RAPGEF4: variants seen among roughly 807,000 people sequenced by gnomAD.
The protein encoded by RAPGEF4 is RAP guanine-nucleotide-exchange factor (GEF) 4.
A neutral mutation model predicts 147.9 loss-of-function variants in RAPGEF4; 66 were observed. That is an observed-to-expected ratio of 0.45 (90% CI 0.37 to 0.55). The LOEUF (loss-of-function observed/expected upper bound fraction) is 0.55. RAPGEF4 is among the 20% of genes least tolerant of loss of function. The pLI is 0.00. For synonymous variants in RAPGEF4, 419 were observed against 442.7 expected, an observed-to-expected ratio of 0.95 and a Z score of 0.67; for missense variants, 1,071 against 1,257.3, an observed-to-expected ratio of 0.85 and a Z score of 2.24.
intron 1 of RAPGEF4, among the ~76,000 whole-genome samples, chr2:172,754,514 G>T (rs1695583533): frequency 6.6e-6 from 1 of 152,130 alleles, no homozygotes; most frequent in African/African-American, 2.4e-5. Context: ...TTTTCATAAA[G>T]ACAGTAAGAA....
chr2:172,780,722 T>TAGCATTTCACTGTGTGGA (rs1208489943), intron 1 of RAPGEF4, among the ~76,000 whole-genome samples: 30 of 152,346 alleles, frequency 2.0e-4, no homozygotes, highest in Non-Finnish European at 2.8e-4. Flanking sequence ...CATTGTGTGG[T>TAGCATTTCACTGTGTGGA]ACCATTTCAC....
At chr2:172,804,923 C>G (rs1216784788) in intron 3 of RAPGEF4, among the ~76,000 whole-genome samples, 1 of 152,220 alleles carries the variant, frequency 6.6e-6, no homozygotes, top group Admixed American at 6.5e-5. Flanking sequence ...AATGGCTCAC[C>G]TTCCAGTGTC....
At chr2:172,966,963 GA>G (rs1689903344) in intron 9 of RAPGEF4, 1 of 247,362 alleles carries the variant, frequency 4.0e-6, no homozygotes, top group Non-Finnish European at 7.7e-6. Flanking sequence ...AAAATATCAG[GA>G]AGACGATTTC....
chr2:172,754,474 T>G (rs1695580418), intron 1 of RAPGEF4, among the ~76,000 whole-genome samples: 1 of 152,158 alleles, frequency 6.6e-6, no homozygotes, highest in Admixed American at 6.5e-5. Context: ...AGTTAAGAGA[T>G]TTAAGGTTTT....
chr2:172,765,800 T>C (rs148215352), intron 1 of RAPGEF4, among the ~76,000 whole-genome samples: 63 of 152,348 alleles, frequency 4.1e-4, no homozygotes, highest in African/African-American at 1.5e-3. Context: ...TGGCTGCCAC[T>C]GTTGGGAGGT....
intron 6 of RAPGEF4, among the ~76,000 whole-genome samples, chr2:172,927,001 G>C (rs1443390167): frequency 6.6e-6 from 1 of 152,192 alleles, no homozygotes; most frequent in Non-Finnish European, 1.5e-5. Context: ...CCAAGTGCTA[G>C]AAGAATTCCT....
rs1685705234 is a variant in RAPGEF4 at position 173,047,926 on chromosome 2, T to C, written c.2854-674T>C. Among the ~76,000 whole-genome samples the C allele has an allele frequency of 2.0e-5, 3 of 152,326 alleles. No homozygotes were observed. The South Asian group carries it at 6.2e-4, about 32-fold the overall frequency. On this transcript the variant is annotated intron_variant, in intron 29 of 30. Transcript: ENST00000397081. ...CTCCTGACCTCGTGATCCACCCGCC[T>C]CGGCCTCCCAAAGTGCTGGGATTAC...
chr2:172,825,574 T>G (rs1356143285), intron 4 of RAPGEF4, among the ~76,000 whole-genome samples: 1 of 152,228 alleles, frequency 6.6e-6, no homozygotes, highest in Non-Finnish European at 1.5e-5. Flanking sequence ...GACATGTTAT[T>G]CATATGAGTT....
intron 1 of RAPGEF4, among the ~76,000 whole-genome samples, chr2:172,746,342 G>A (rs1694763518): frequency 6.6e-6 from 1 of 152,204 alleles, no homozygotes; most frequent in Non-Finnish European, 1.5e-5. Context: ...CTGTGAGGAT[G>A]TGGGGGCACG....
intron 10 of RAPGEF4, among the ~76,000 whole-genome samples, 199 bp from the exon 11 acceptor site, chr2:172,983,297 C>G (rs1041107661): frequency 2.0e-5 from 3 of 152,134 alleles, no homozygotes; most frequent in African/African-American, 7.2e-5. Context: ...TTGGCTTTCT[C>G]CCATATCCTT....
intron 1 of RAPGEF4, among the ~76,000 whole-genome samples, chr2:172,736,664 A>G (rs1380911146): frequency 5.3e-5 from 8 of 152,142 alleles, no homozygotes; most frequent in African/African-American, 1.9e-4. Context: ...AAATAATTAA[A>G]ACCATAAAGC....
At chr2:172,959,779 A>G (rs1194779836) in intron 6 of RAPGEF4, among the ~76,000 whole-genome samples, 1 of 152,234 alleles carries the variant, frequency 6.6e-6, no homozygotes, top group Non-Finnish European at 1.5e-5. Flanking sequence ...ATTACATTCA[A>G]TACCTCCATC....
intron 12 of RAPGEF4, among the ~76,000 whole-genome samples, chr2:172,987,736 T>G (rs1010676984): frequency 1.3e-5 from 2 of 152,238 alleles, no homozygotes; most frequent in African/African-American, 4.8e-5. Context: ...TCTGTGGATT[T>G]TGATATCCTT....
At chr2:172,801,647 A>G (rs1348620303) in intron 3 of RAPGEF4, among the ~76,000 whole-genome samples, 1 of 132,264 alleles carries the variant, frequency 7.6e-6, no homozygotes, top group Non-Finnish European at 1.7e-5. Context: ...CAGCTTGCCC[A>G]AGGTCATAAA....
At chr2:172,771,131 T>C (rs1683528133) in intron 1 of RAPGEF4, among the ~76,000 whole-genome samples, 1 of 152,004 alleles carries the variant, frequency 6.6e-6, no homozygotes, top group Non-Finnish European at 1.5e-5. Flanking sequence ...AACAATAAAT[T>C]ATTTAAAAAA....
intron 29 of RAPGEF4, chr2:173,048,346 T>C (rs973133219): frequency 7.5e-6 from 5 of 668,414 alleles, no homozygotes; most frequent in African/African-American, 5.6e-5. Context: ...TTTTACATCA[T>C]GGGGAATATG....
chr2:172,935,116 G>T (rs983622082), intron 6 of RAPGEF4, among the ~76,000 whole-genome samples: 1 of 152,186 alleles, frequency 6.6e-6, no homozygotes, highest in African/African-American at 2.4e-5. Flanking sequence ...GGCAGAGGCT[G>T]CAGTGAGCCA....
At chr2:173,022,053 A>G (rs1031224) in intron 23 of RAPGEF4, among the ~76,000 whole-genome samples, 1 of 152,114 alleles carries the variant, frequency 6.6e-6, no homozygotes, top group East Asian at 1.9e-4. Context: ...GGGGAAAAAA[A>G]TGTCATAAAT....
intron 4 of RAPGEF4, among the ~76,000 whole-genome samples, chr2:172,907,809 C>T (rs1201586487): frequency 6.6e-6 from 1 of 152,150 alleles, no homozygotes; most frequent in Non-Finnish European, 1.5e-5. Context: ...TTTATTGTTA[C>T]AACTACCATT....
Sources: gnomAD v4.1 joint callset for allele counts (sites outside exome capture counted in the v4.1 genomes callset) on GRCh38, gnomAD v4.1.1 for gene constraint, MANE v1.5 for transcripts, NCBI Gene and HGNC (gene_info 2026-07-23, HGNC 2026-07-21) for gene names.